CDC73: variants seen among roughly 807,000 people sequenced by gnomAD.
The protein encoded by CDC73 is cell division cycle 73, also known as parafibromin.
In CDC73, 21 loss-of-function variants were observed where a neutral mutation model predicts 83.7. That is an observed-to-expected ratio of 0.25 (90% CI 0.18 to 0.36). The LOEUF (loss-of-function observed/expected upper bound fraction) is 0.36, where lower values mean the gene tolerates loss of function less well. Ranked by LOEUF, CDC73 falls within the 10% of genes least tolerant of loss-of-function variation. The probability of loss-of-function intolerance (pLI) is 1.00; values close to 1 mark genes in which losing one functional copy is unlikely to be tolerated. For missense variants in CDC73, 342 were observed against 653.3 expected (o/e 0.52, Z 5.19); for synonymous variants, 224 against 212.9 (o/e 1.05, Z -0.45).
chr1:193,196,753 A>C (rs1204900920), intron 10 of CDC73, among the ~76,000 whole-genome samples: 1 of 152,078 alleles, frequency 6.6e-6, no homozygotes, highest in Non-Finnish European at 1.5e-5. Context: ...TGGACCATCT[A>C]TTGTTAGTGT....
At chr1:193,200,969 A>C (rs1677081671) in intron 10 of CDC73, among the ~76,000 whole-genome samples, 1 of 152,108 alleles carries the variant, frequency 6.6e-6, no homozygotes. Context: ...AGAAATGGCT[A>C]TAAATTCATG....
intron 10 of CDC73, among the ~76,000 whole-genome samples, chr1:193,154,158 ACT>A (rs1174909763): frequency 1.3e-5 from 2 of 152,210 alleles, no homozygotes; most frequent in African/African-American, 4.8e-5. Flanking sequence ...GTGCGACAGA[ACT>A]TGCCCGCTGA....
At chr1:193,136,463 T>A in intron 5 of CDC73, 1 of 273,788 alleles carries the variant, frequency 3.7e-6, no homozygotes, top group Non-Finnish European at 8.4e-6. Flanking sequence ...ATGCTATGTG[T>A]TATTCTAAGT....
intron 14 of CDC73, among the ~76,000 whole-genome samples, chr1:193,235,312 G>T (rs972762407): frequency 6.6e-6 from 1 of 151,960 alleles, no homozygotes; most frequent in Non-Finnish European, 1.5e-5. Context: ...ACATGCCCAT[G>T]CACTTGTTTC....
chr1:193,182,419 CTT>C (rs1262009459), intron 10 of CDC73, among the ~76,000 whole-genome samples: 3 of 152,142 alleles, frequency 2.0e-5, no homozygotes, highest in African/African-American at 2.4e-5. Flanking sequence ...ATGTAAGTGT[CTT>C]TGATTATCTA....
chr1:193,151,041 GACTT>G (rs1334428898), intron 9 of CDC73, among the ~76,000 whole-genome samples: 1 of 152,156 alleles, frequency 6.6e-6, no homozygotes, highest in African/African-American at 2.4e-5. Context: ...ATGATGGGAG[GACTT>G]ACTTTGTGAT....
intron 10 of CDC73, among the ~76,000 whole-genome samples, chr1:193,162,662 C>G (rs1043863191): frequency 6.6e-6 from 1 of 152,116 alleles, no homozygotes; most frequent in Non-Finnish European, 1.5e-5. Context: ...AGCCACCACA[C>G]CCCGCCAGTT....
At chr1:193,225,870 T>C (rs1375775155) in intron 13 of CDC73, among the ~76,000 whole-genome samples, 2 of 152,184 alleles carry the variant, frequency 1.3e-5, no homozygotes, top group Non-Finnish European at 2.9e-5. Flanking sequence ...TTTACTCTGC[T>C]GACTGTTCCT....
At chr1:193,194,934 G>A (rs12129126) in intron 10 of CDC73, among the ~76,000 whole-genome samples, 6,002 of 152,030 alleles carry the variant, frequency 0.039, 115 homozygotes, top group Middle Eastern at 0.048. Context: ...ATATGTGTAT[G>A]TACATATACA....
intron 15 of CDC73, among the ~76,000 whole-genome samples, chr1:193,245,438 C>T (rs1558324521): frequency 1.3e-5 from 2 of 151,678 alleles, no homozygotes; most frequent in Non-Finnish European, 2.9e-5. Context: ...ATCTATGTTG[C>T]CACAAATGAC....
chr1:193,225,412 G>C (rs1677550501), intron 13 of CDC73, among the ~76,000 whole-genome samples: 1 of 151,858 alleles, frequency 6.6e-6, no homozygotes, highest in African/African-American at 2.4e-5. Flanking sequence ...TTTTCTTCTG[G>C]GTAGATACTC....
chr1:193,194,255 C>G (rs1676965154), intron 10 of CDC73, among the ~76,000 whole-genome samples: 1 of 152,200 alleles, frequency 6.6e-6, no homozygotes, highest in Middle Eastern at 3.4e-3. Flanking sequence ...AATTTCAGAG[C>G]AGAATTGGAC....
At position 193,181,896 on chromosome 1, in the gene CDC73, T is replaced by G. The variant is rs559563774; in HGVS notation, c.973-21899T>G. 2.6e-4 allele frequency among the ~76,000 whole-genome samples: 40 copies of G among 152,246 alleles called. No homozygotes were observed. The South Asian group carries it at 8.3e-3, about 32-fold the overall frequency. The stretch of plus-strand genomic sequence containing the variant: ...TAGCACAGTGAGCATTTTAAAGAGA[T>G]GAGGTGATGGATTCATTTCATTGTC... On this transcript the variant is annotated intron_variant, in intron 10 of 16. Transcript: ENST00000367435.
chr1:193,134,896 G>A (rs901114784), intron 3 of CDC73, among the ~76,000 whole-genome samples: 1 of 151,984 alleles, frequency 6.6e-6, no homozygotes, highest in African/African-American at 2.4e-5. Flanking sequence ...AGGTGAATGG[G>A]GACAGGTATA....
In CDC73 at chr1:193,168,173, T is replaced by G. The variant is rs1015954593; in HGVS notation, c.972+15729T>G. On this transcript the variant is annotated intron_variant, in intron 10 of 16. Transcript: ENST00000367435. ...TGTGCCTGGCCTCTTTTTGTTTTAA[T>G]GTGATGAGTAGGTACCAGCCTCTTT... Among the ~76,000 whole-genome samples, 5 of 152,244 alleles carry G rather than the reference T, an allele frequency of 3.3e-5. No homozygotes were observed. The South Asian group carries it at 1.0e-3, about 32-fold the overall frequency.
In CDC73 at chr1:193,228,475, C is replaced by T. The variant is rs150243501; in HGVS notation, c.1155-4518C>T. Among the ~76,000 whole-genome samples, 4 of 152,144 alleles carry T rather than the reference C, an allele frequency of 2.6e-5. 1 individual carries two copies. The highest frequency in any genetic ancestry group is 7.2e-5 in the African/African-American group (3 of 41,508). ...TGCAATAATCCACACAATGTACTAA[C>T]GATGTAAAGATAGATAGATGAATGA... On this transcript the variant is annotated intron_variant, in intron 13 of 16. Transcript: ENST00000367435.
rs886045711 is a variant in CDC73, at chr1:193,122,080, G to T, written c.-121G>T. 3.3e-6 allele frequency: 3 copies of T among 916,006 alleles called. No individual in the cohort carries two copies. Among genetic ancestry groups the T allele is most frequent in the East Asian group, 5.1e-5 (2 of 38,932 alleles). The allele number at this position is 916,006 out of a possible 1,614,324, so 56.7% of individuals were successfully genotyped here. On this transcript the variant is annotated 5_prime_UTR_variant, in exon 1 of 17. Transcript: ENST00000367435. ...GGCGAGGACGGCTGTTAGTGCTGCT[G>T]CTGTTGGTTCGTCGCGGCGGCGAAG...
At chr1:193,184,442 A>G (rs1390790208) in intron 10 of CDC73, among the ~76,000 whole-genome samples, 3 of 151,984 alleles carry the variant, frequency 2.0e-5, no homozygotes, top group Non-Finnish European at 4.4e-5. Flanking sequence ...TTACATTTTT[A>G]GAAGAGAAAT....
At chr1:193,197,504 T>C (rs1045554070) in intron 10 of CDC73, among the ~76,000 whole-genome samples, 1 of 152,212 alleles carries the variant, frequency 6.6e-6, no homozygotes, top group African/African-American at 2.4e-5. Flanking sequence ...TAATAATTTT[T>C]TCATTTCATG....
Sources: allele counts gnomAD v4.1 joint callset (sites outside exome capture counted in the v4.1 genomes callset), GRCh38; gene constraint gnomAD v4.1.1; transcripts MANE v1.5; gene names NCBI Gene and HGNC (gene_info 2026-07-23, HGNC 2026-07-21).